PIEZO2: variants seen among roughly 807,000 people sequenced by gnomAD.
PIEZO2 encodes the protein piezo-type mechanosensitive ion channel component 2.
A neutral mutation model predicts 337.3 loss-of-function variants in PIEZO2; 172 were observed. The ratio of observed to expected loss-of-function variants is 0.51; its 90% CI spans 0.45 to 0.58. The LOEUF (loss-of-function observed/expected upper bound fraction) is 0.58, where lower values mean the gene tolerates loss of function less well. PIEZO2 is among the 20% of genes least tolerant of loss of function. The pLI, the probability that PIEZO2 is intolerant of heterozygous loss-of-function variation, is 0.00. For missense variants in PIEZO2, 3,028 were observed against 3,391.3 expected, an observed-to-expected ratio of 0.89 and a Z score of 2.66; for synonymous variants, 1,251 against 1,228.5, an observed-to-expected ratio of 1.02 and a Z score of -0.38.
intron 27 of PIEZO2, among the ~76,000 whole-genome samples, chr18:10,753,409 T>G (rs1005876024): frequency 6.6e-6 from 1 of 152,218 alleles, no homozygotes; most frequent in Non-Finnish European, 1.5e-5. Flanking sequence ...CTGGAGGTCC[T>G]CAGGATGAGT....
At position 10,750,123 on chromosome 18, in the gene PIEZO2, C is replaced by T. The variant is rs1305608478; in HGVS notation, c.4232G>A (p.Ser1411Asn). Residue 1411 changes from serine (S) to asparagine (N), a missense_variant, in exon 29 of 56, where the codon AGC becomes AAC. Coordinates refer to ENST00000674853, the MANE Select transcript of PIEZO2 (RefSeq NM_001378183.1). The surrounding 1 kb of genome is among the most constrained non-coding windows in gnomAD (Gnocchi z 4.1). ...HNSCWLIQAFSLACTVKGYQM... is the reference protein window; with the variant it reads ...HNSCWLIQAFNLACTVKGYQM... ...ATAGCCTTTGACTGTGCAGGCCAGG[C>T]TGAAAGCCTGGATCAACCAACAACT... 3.3e-6 allele frequency: 5 copies of T among 1,537,158 alleles called. No individual in the cohort carries two copies. Among genetic ancestry groups the T allele is most frequent in the Non-Finnish European group, 3.5e-6 (4 of 1,146,838 alleles).
At chr18:10,912,004 C>T (rs1366088502) in intron 3 of PIEZO2, among the ~76,000 whole-genome samples, 3 of 152,122 alleles carry the variant, frequency 2.0e-5, no homozygotes, top group East Asian at 1.9e-4. Flanking sequence ...AGTTCCAACA[C>T]ATCACCCACC....
Position 10,752,893 on chromosome 18 carries a change from C to A in PIEZO2, c.3924-14G>T. ...TCTAAGTAAGATCTGGAAAACAAAGCCAGTGACAAAAAGACAACAACAACA... is the reference window on the plus strand; with the variant it reads ...TCTAAGTAAGATCTGGAAAACAAAGACAGTGACAAAAAGACAACAACAACA... On this transcript the variant is annotated splice_polypyrimidine_tract_variant and intron_variant, in intron 27 of 55. Coordinates refer to ENST00000674853, the MANE Select transcript of PIEZO2 (RefSeq NM_001378183.1). 6.6e-7 allele frequency: 1 copy of A among 1,520,278 alleles called. No homozygotes were observed. Among genetic ancestry groups the A allele is most frequent in the South Asian group, 1.2e-5 (1 of 81,296 alleles). 94.2% of individuals were successfully genotyped at this position (1,520,278 alleles called of 1,614,324 possible). A position where few individuals can be genotyped will look rare whatever the true frequency, so the allele number is the denominator to read the frequency against.
In PIEZO2 at chr18:10,857,148, C is replaced by T; in HGVS notation, c.556G>A (p.Asp186Asn). The T allele has an allele frequency of 2.0e-6, 3 of 1,537,892 alleles. No individual in the cohort carries two copies. The highest frequency in any genetic ancestry group is 2.6e-6 in the Non-Finnish European group (3 of 1,147,048). ...TCTTCCAACTCGCCTTCAACACCAT[C>T]TCCTCCATTGAAATCCTCTTCATAG... ...LIYEEDFNGG[D>N]GVEGELEEST... The change falls in exon 6 of 56, where the codon GAT (aspartate) becomes AAT (asparagine). Residue 186 changes from aspartate to asparagine, a missense_variant. Physicochemically the swap from Asp to Asn is conservative, Grantham distance 23. This residue lies in a region of PIEZO2 where 542 missense variants were observed against 605.6 expected (regional missense o/e 0.89). Coordinates refer to ENST00000674853, the MANE Select transcript of PIEZO2 (RefSeq NM_001378183.1).
intron 2 of PIEZO2, among the ~76,000 whole-genome samples, chr18:10,987,527 T>C (rs2034923322): frequency 6.6e-6 from 1 of 151,782 alleles, no homozygotes; most frequent in African/African-American, 2.4e-5. Flanking sequence ...ATAAAATTGG[T>C]CCCTTATCTT....
At chr18:10,822,257 T>C (rs2040541087) in intron 7 of PIEZO2, among the ~76,000 whole-genome samples, 2 of 152,214 alleles carry the variant, frequency 1.3e-5, no homozygotes, top group Admixed American at 6.5e-5. Context: ...GAGTATTAAG[T>C]CAGAATATTG....
rs931636412 is a variant in PIEZO2, at chr18:11,094,244, G to T, written c.65-28022C>A. 6.6e-6 allele frequency among the ~76,000 whole-genome samples: 1 copy of T among 152,108 alleles called. No homozygotes were observed. Among genetic ancestry groups the T allele is most frequent in the African/African-American group, 2.4e-5 (1 of 41,420 alleles). ...AGCTCCTTTATGTTCCAGCTTGAACGTATGTATGGTAGGTTAATCCTCCCA... is the reference window on the plus strand; with the variant it reads ...AGCTCCTTTATGTTCCAGCTTGAACTTATGTATGGTAGGTTAATCCTCCCA... On this transcript the variant is annotated intron_variant, in intron 1 of 55. Transcript: ENST00000674853. The surrounding 1 kb of genome is among the most constrained non-coding windows in gnomAD (Gnocchi z 4.4).
At chr18:11,041,502 T>G (rs2037119834) in intron 2 of PIEZO2, among the ~76,000 whole-genome samples, 1 of 152,208 alleles carries the variant, frequency 6.6e-6, no homozygotes, top group Non-Finnish European at 1.5e-5. Flanking sequence ...CTCCACACAG[T>G]CACTTTCATT....
rs553254234 is a variant in PIEZO2, at chr18:11,081,764, T to C, written c.65-15542A>G. Among the ~76,000 whole-genome samples, 1,167 of 151,580 alleles carry C rather than the reference T, an allele frequency of 7.7e-3. 3 individuals are homozygous for C. Among genetic ancestry groups the C allele is most frequent in the Middle Eastern group, 0.01 (3 of 292 alleles). ...ACACACCCTACTCAACTCAACTTTTTTTTTTTTTTTTTTGAGATGGAGTCT... is the reference window on the plus strand; with the variant it reads ...ACACACCCTACTCAACTCAACTTTTCTTTTTTTTTTTTTGAGATGGAGTCT... On this transcript the variant is annotated intron_variant, in intron 1 of 55. Transcript: ENST00000674853.
Position 11,027,969 on chromosome 18 carries a change from A to T in PIEZO2, c.160+38158T>A, listed in dbSNP as rs2036593600. On this transcript the variant is annotated intron_variant, in intron 2 of 55. Coordinates refer to ENST00000674853, the MANE Select transcript of PIEZO2 (RefSeq NM_001378183.1). The surrounding 1 kb of genome is among the most constrained non-coding windows in gnomAD (Gnocchi z 4.2). ...AATTCTTCAAACACTGTTTCTGAGA[A>T]TGATCTCACAGAACAGGAAGACCTG... Among the ~76,000 whole-genome samples, 1 of 152,254 alleles carries T rather than the reference A, an allele frequency of 6.6e-6. No homozygotes were observed.
chr18:10,858,005 CTT>C (rs113821994), intron 5 of PIEZO2, among the ~76,000 whole-genome samples: 8 of 138,888 alleles, frequency 5.8e-5, no homozygotes, highest in Non-Finnish European at 7.9e-5. Context: ...TTCTTTCTTT[CTT>C]TTTTTTTTTT....
chr18:10,753,003 G>A (rs1056221653), intron 27 of PIEZO2, 124 bp from the exon 28 acceptor site: 2 of 1,214,402 alleles, frequency 1.6e-6, no homozygotes, highest in Admixed American at 5.6e-5. Context: ...CAGACTGTGA[G>A]CTTTCATTTA....
At chr18:11,086,246 C>T (rs546855927) in intron 1 of PIEZO2, among the ~76,000 whole-genome samples, 3 of 152,022 alleles carry the variant, frequency 2.0e-5, no homozygotes, top group East Asian at 1.9e-4. Context: ...CAGGGCCGGG[C>T]GCAGTGGCTC....
At chr18:10,841,848 C>T (rs2041203254) in intron 7 of PIEZO2, among the ~76,000 whole-genome samples, 1 of 152,148 alleles carries the variant, frequency 6.6e-6, no homozygotes, top group African/African-American at 2.4e-5. Flanking sequence ...TAAATACACA[C>T]ACACATATAT....
At chr18:11,004,373 G>A (rs2035649557) in intron 2 of PIEZO2, among the ~76,000 whole-genome samples, 1 of 152,218 alleles carries the variant, frequency 6.6e-6, no homozygotes, top group Non-Finnish European at 1.5e-5. Flanking sequence ...TTCTCAGACT[G>A]AATTGCTGCC....
Position 10,682,392 on chromosome 18 carries a change from G to T in PIEZO2, c.7498-100C>A. ...GCGAGTGCTCTTCCTGTGGTGCTGG[G>T]AACATGGATTTGGCCCTGAATCTTC... On this transcript the variant is annotated intron_variant, in intron 49 of 55. Transcript: ENST00000674853. This position sits in a 1 kb window ranked among gnomAD's most constrained non-coding sequence, Gnocchi z 5.6. 9.3e-7 allele frequency: 1 copy of T among 1,076,896 alleles called. No individual in the cohort carries two copies. Among genetic ancestry groups the T allele is most frequent in the Non-Finnish European group, 1.3e-6 (1 of 765,920 alleles). The allele number at this position is 1,076,896 out of a possible 1,614,324, so 66.7% of individuals were successfully genotyped here.
Position 11,148,174 on chromosome 18 carries a change from C to G in PIEZO2, c.64+351G>C, listed in dbSNP as rs1260564782. 1.3e-5 allele frequency among the ~76,000 whole-genome samples: 2 copies of G among 152,142 alleles called. No homozygotes were observed. The highest frequency in any genetic ancestry group is 4.1e-4 in the South Asian group (2 of 4,822). ...CTGGGGCGAGGGGCTCAGGTAGGAG[C>G]CTGACTGTACCTACGATGGGGACGC... On this transcript the variant is annotated intron_variant, in intron 1 of 55. Coordinates refer to ENST00000674853, the MANE Select transcript of PIEZO2 (RefSeq NM_001378183.1). This position sits in a 1 kb window ranked among gnomAD's most constrained non-coding sequence, Gnocchi z 5.2.
At chr18:10,688,876 A>G (rs1598357458) in intron 49 of PIEZO2, among the ~76,000 whole-genome samples, 1 of 152,112 alleles carries the variant, frequency 6.6e-6, no homozygotes, top group Non-Finnish European at 1.5e-5. Flanking sequence ...GCTCCTTAGA[A>G]ATCAGGACAA....
At chr18:10,711,361 T>C (rs1395768022) in intron 39 of PIEZO2, among the ~76,000 whole-genome samples, 2 of 152,222 alleles carry the variant, frequency 1.3e-5, no homozygotes, top group East Asian at 3.8e-4. Flanking sequence ...ATTCAGAGTT[T>C]GGTTCTAGAG....
Sources: gnomAD v4.1 joint callset for allele counts (sites outside exome capture counted in the v4.1 genomes callset) on GRCh38, gnomAD v4.1.1 for gene constraint, gnomAD v4.1.1 regional missense constraint, Gnocchi (gnomAD v3.1) non-coding constraint, MANE v1.5 for transcripts, NCBI Gene and HGNC (gene_info 2026-07-23, HGNC 2026-07-21) for gene names.